The following CSMD3 variants were observed in gnomAD, a reference collection of about 807,000 sequenced individuals.
CSMD3 encodes CUB and sushi domain-containing protein 3.
Under a neutral mutation model 435.2 loss-of-function variants are expected in CSMD3, and 177 were observed. The observed-to-expected ratio is 0.41, with a 90% CI of 0.36 to 0.46. The LOEUF is 0.46. Among genes scored for constraint, CSMD3 ranks in the 20% least tolerant of loss-of-function variants. CSMD3 has a pLI of 0.34. For missense variants in CSMD3, 4,265 were observed against 4,504.6 expected, an observed-to-expected ratio of 0.95 and a Z score of 1.52; for synonymous variants, 1,656 against 1,520.5, an observed-to-expected ratio of 1.09 and a Z score of -2.07.
chr8:112,651,698 C>T (rs981107471), intron 18 of CSMD3, among the ~76,000 whole-genome samples: 10 of 152,040 alleles, frequency 6.6e-5, no homozygotes, highest in Admixed American at 2.0e-4. Flanking sequence ...CCACCATTCC[C>T]GGCTAATTTT....
At chr8:113,094,941 C>T (rs779306695) in intron 5 of CSMD3, among the ~76,000 whole-genome samples, 1 of 151,756 alleles carries the variant, frequency 6.6e-6, no homozygotes, top group African/African-American at 2.4e-5. Context: ...TGTGGTGGCA[C>T]GCCCCTGTAA....
At chr8:112,745,408 T>G (rs1404347366) in intron 13 of CSMD3, among the ~76,000 whole-genome samples, 1 of 152,090 alleles carries the variant, frequency 6.6e-6, no homozygotes. Flanking sequence ...ATTTTAAGTA[T>G]TTTTTCAAAT....
chr8:112,894,742 G>A lies in CSMD3; in HGVS notation c.1633+26885C>T, dbSNP rs530772990. Among the ~76,000 whole-genome samples the A allele has an allele frequency of 7.0e-4, 106 of 151,378 alleles. 1 individual carries two copies. The highest frequency in any genetic ancestry group is 2.4e-3 in the African/African-American group (101 of 41,410). ...ATGTAGCATAAGTCCATACAGGTAT[G>A]TCTATTCATGTTACTTGCTACTACT... On this transcript the variant is annotated intron_variant, in intron 10 of 70. Coordinates refer to ENST00000297405, the MANE Select transcript of CSMD3 (RefSeq NM_198123.2).
At chr8:113,365,251 T>G (rs1005425764) in intron 1 of CSMD3, among the ~76,000 whole-genome samples, 1 of 152,084 alleles carries the variant, frequency 6.6e-6, no homozygotes, top group Non-Finnish European at 1.5e-5. Context: ...TAAACTGCTA[T>G]TAAGGATTCA....
At chr8:112,980,038 T>C (rs542085560) in intron 6 of CSMD3, among the ~76,000 whole-genome samples, 1 of 151,096 alleles carries the variant, frequency 6.6e-6, no homozygotes, top group Admixed American at 6.6e-5. Context: ...TTTTATTTAA[T>C]AGTAATAGTA....
At chr8:113,316,517 C>T (rs1019411239) in intron 1 of CSMD3, among the ~76,000 whole-genome samples, 2 of 150,106 alleles carry the variant, frequency 1.3e-5, no homozygotes, top group Middle Eastern at 3.5e-3. Context: ...TTGTTTTTGC[C>T]AGGGAAGCCA....
chr8:112,311,177 G>GAA lies in CSMD3; in HGVS notation c.7697-13_7697-12dup. Reference sequence around the variant, plus strand: ...TACTACAGTAGAAAGCTTTTCAAAAGAAAAAAAAAATGCTGTTTAATTAAT... The same window carrying GAA: ...TACTACAGTAGAAAGCTTTTCAAAAGAAAAAAAAAAAATGCTGTTTAATTAAT... On this transcript the variant is annotated splice_polypyrimidine_tract_variant and intron_variant, in intron 49 of 70. Coordinates refer to ENST00000297405, the MANE Select transcript of CSMD3 (RefSeq NM_198123.2). The GAA allele has an allele frequency of 8.7e-6, 13 of 1,495,964 alleles. No homozygotes were observed. Among genetic ancestry groups the GAA allele is most frequent in the Non-Finnish European group, 9.1e-6 (10 of 1,096,280 alleles). The allele number at this position is 1,495,964 out of a possible 1,614,324, so 92.7% of individuals were successfully genotyped here.
At chr8:112,298,066 C>CAAAAAAAA (rs35232021) in intron 53 of CSMD3, among the ~76,000 whole-genome samples, 5 of 93,572 alleles carry the variant, frequency 5.3e-5, no homozygotes, top group Non-Finnish European at 6.7e-5. Context: ...TGCCATTGCA[C>CAAAAAAAA]AAAAAAAAAA....
At chr8:112,636,636 G>C (rs866031249) in intron 22 of CSMD3, among the ~76,000 whole-genome samples, 181 bp downstream of exon 22, 1 of 151,734 alleles carries the variant, frequency 6.6e-6, no homozygotes, top group Admixed American at 6.6e-5. Context: ...ATGGTTTCTT[G>C]AATGGAGCAG....
At chr8:112,857,965 G>C (rs1346333706) in intron 11 of CSMD3, among the ~76,000 whole-genome samples, 1 of 151,674 alleles carries the variant, frequency 6.6e-6, no homozygotes. Context: ...TGAGGGGTTT[G>C]ATTTAGAAAT....
Position 112,292,664 on chromosome 8 carries a change from A to G in CSMD3, c.8661T>C (p.Ser2887=), listed in dbSNP as rs143431413. 1 of 1,613,886 alleles carries G rather than the reference A, an allele frequency of 6.2e-7. No individual in the cohort carries two copies. The highest frequency in any genetic ancestry group is 8.5e-7 in the Non-Finnish European group (1 of 1,179,810). ...CATCATTAAAGTTGAACCCATTTCC[A>G]CTTGTTCTTCCATAAATTGGACTAC... ...HPGSPIYGRT[S]GNGFNFNDVV... Residue 2887 remains serine (S), a synonymous_variant, in exon 55 of 71, where the codon AGT becomes AGC. Transcript: ENST00000297405.
chr8:112,902,840 G>A (rs1455532577), intron 10 of CSMD3, among the ~76,000 whole-genome samples: 2 of 151,276 alleles, frequency 1.3e-5, no homozygotes, highest in Non-Finnish European at 3.0e-5. Context: ...GAACCTCTAT[G>A]TTCTCTACCA....
intron 4 of CSMD3, among the ~76,000 whole-genome samples, chr8:113,128,728 T>C (rs2091207517): frequency 6.6e-6 from 1 of 152,094 alleles, no homozygotes; most frequent in African/African-American, 2.4e-5. Flanking sequence ...CCAGTTCCAA[T>C]AACTGCTTAT....
At chr8:112,674,705 A>G (rs538444543) in intron 16 of CSMD3, among the ~76,000 whole-genome samples, 1 of 152,250 alleles carries the variant, frequency 6.6e-6, no homozygotes, top group South Asian at 2.1e-4. Flanking sequence ...CTTTTGTTCA[A>G]TAGGCATAGA....
chr8:112,331,884 A>G (rs1335476486), intron 45 of CSMD3, among the ~76,000 whole-genome samples: 1 of 152,082 alleles, frequency 6.6e-6, no homozygotes, highest in Non-Finnish European at 1.5e-5. Flanking sequence ...AAATAATTTG[A>G]CCAATTTTTT....
intron 27 of CSMD3, among the ~76,000 whole-genome samples, chr8:112,522,743 G>A (rs1824429515): frequency 6.6e-6 from 1 of 151,826 alleles, no homozygotes; most frequent in South Asian, 2.1e-4. Context: ...CCTAGGGTTT[G>A]TTCAGAAAAT....
chr8:112,633,303 T>A (rs955198792), intron 22 of CSMD3, among the ~76,000 whole-genome samples: 2 of 113,464 alleles, frequency 1.8e-5, no homozygotes, highest in Non-Finnish European at 3.7e-5. Flanking sequence ...TCCTCCCAAC[T>A]TTATCAAAGT....
chr8:112,256,297 C>G (rs1447189577), intron 61 of CSMD3, among the ~76,000 whole-genome samples: 1 of 143,168 alleles, frequency 7.0e-6, no homozygotes, highest in Non-Finnish European at 1.6e-5. Flanking sequence ...TGGTAAGTCC[C>G]GTGGGAAAAA....
At chr8:112,419,017 C>A (rs1250581582) in intron 32 of CSMD3, among the ~76,000 whole-genome samples, 1 of 152,144 alleles carries the variant, frequency 6.6e-6, no homozygotes, top group Non-Finnish European at 1.5e-5. Context: ...GCGAACATTT[C>A]AAAATCCAAA....
Sources: allele counts gnomAD v4.1 joint callset (sites outside exome capture counted in the v4.1 genomes callset), GRCh38; gene constraint gnomAD v4.1.1; transcripts MANE v1.5; gene names NCBI Gene and HGNC (gene_info 2026-07-23, HGNC 2026-07-21).